CLIC5: variants seen among roughly 807,000 people sequenced by gnomAD.
The protein encoded by CLIC5 is chloride intracellular channel protein 5.
Under a neutral mutation model 24.7 loss-of-function variants are expected in CLIC5, and 20 were observed. That is an observed-to-expected ratio of 0.81 (90% CI 0.57 to 1.18). The LOEUF (loss-of-function observed/expected upper bound fraction) is 1.18. Ranked by LOEUF, CLIC5 falls within the 50% of genes most tolerant of loss-of-function variation. The pLI, the probability that CLIC5 is intolerant of heterozygous loss-of-function variation, is 0.00. For synonymous variants in CLIC5, 159 were observed against 135.6 expected, an observed-to-expected ratio of 1.17 and a Z score of -1.20; for missense variants, 341 against 326.1, an observed-to-expected ratio of 1.05 and a Z score of -0.35.
intron 4 of CLIC5, among the ~76,000 whole-genome samples, chr6:45,934,664 T>C (rs1581760459): frequency 6.6e-6 from 1 of 152,288 alleles, no homozygotes; most frequent in Admixed American, 6.5e-5. Flanking sequence ...GTGGTCAGCG[T>C]GAATAGAGCA....
the CLIC5 span, among the ~76,000 whole-genome samples, chr6:46,122,737 G>T: frequency 2.6e-5 from 4 of 152,150 alleles, no homozygotes; most frequent in African/African-American, 9.6e-5. Flanking sequence ...AATAAAAAAT[G>T]ATAAAGGGGA....
chr6:45,987,780 C>T (rs72856969), intron 1 of CLIC5, among the ~76,000 whole-genome samples: 1,585 of 152,160 alleles, frequency 0.01, 15 homozygotes, highest in Middle Eastern at 0.024. Flanking sequence ...GTTATAAATC[C>T]CCCAATCCTA....
At position 46,042,925 on chromosome 6, in the gene CLIC5, C is replaced by A. The variant is rs547889105; in HGVS notation, c.540+36778G>T. ...CCCTCAACAGGTAAAACACAATGTC[C>A]ACCAAGTGGGAGGGCCAAGGCACAT... On this transcript the variant is annotated intron_variant, in intron 1 of 5. Transcript: ENST00000185206. Among the ~76,000 whole-genome samples, 12 of 152,304 alleles carry A rather than the reference C, an allele frequency of 7.9e-5. No homozygotes were observed. The South Asian group carries it at 2.5e-3, about 32-fold the overall frequency.
At chr6:46,013,464 TG>T (rs1240108396) in intron 1 of CLIC5, among the ~76,000 whole-genome samples, 2 of 152,154 alleles carry the variant, frequency 1.3e-5, no homozygotes, top group Non-Finnish European at 2.9e-5. Flanking sequence ...CTCAAAAAGA[TG>T]GGGTTGAGGG....
Position 45,902,990 on chromosome 6 carries a change from T to C in CLIC5, c.*98A>G. Reference sequence around the variant, plus strand: ...CAAGATGAGGCTTGATTATAAAAAGTGCGCCTCAAGGCAGTGATACAGAGG... The same window carrying C: ...CAAGATGAGGCTTGATTATAAAAAGCGCGCCTCAAGGCAGTGATACAGAGG... On this transcript the variant is annotated 3_prime_UTR_variant, in exon 6 of 6. Coordinates refer to ENST00000339561, the MANE Select transcript of CLIC5 (RefSeq NM_016929.5). 2 of 1,297,534 alleles carry C rather than the reference T, an allele frequency of 1.5e-6. No homozygotes were observed. The highest frequency in any genetic ancestry group is 2.2e-6 in the Non-Finnish European group (2 of 920,050). The allele number at this position is 1,297,534 out of a possible 1,614,324, so 80.4% of individuals were successfully genotyped here.
chr6:46,065,200 A>G (rs1762407965), intron 1 of CLIC5, among the ~76,000 whole-genome samples: 1 of 152,138 alleles, frequency 6.6e-6, no homozygotes, highest in Non-Finnish European at 1.5e-5. Context: ...AGAAAAATAA[A>G]AATTAAAGCT....
chr6:45,986,588 T>G (rs1765745206), intron 1 of CLIC5, among the ~76,000 whole-genome samples: 2 of 152,154 alleles, frequency 1.3e-5, no homozygotes, highest in African/African-American at 4.8e-5. Flanking sequence ...GAGAAGGCCT[T>G]CTTTAAACTT....
At chr6:46,016,186 G>GAAGGGGA (rs1311005313), upstream of CLIC5, among the ~76,000 whole-genome samples, 2 of 108,596 alleles carry the variant, frequency 1.8e-5, no homozygotes, top group Non-Finnish European at 3.9e-5. Context: ...AGGGGAAGAG[G>GAAGGGGA]AAGGGGAAAG....
chr6:46,125,316 T>A, the CLIC5 span, among the ~76,000 whole-genome samples: 1 of 152,100 alleles, frequency 6.6e-6, no homozygotes. Context: ...CTCAGCAAAC[T>A]ATCGCAAGGA....
intron 4 of CLIC5, among the ~76,000 whole-genome samples, chr6:45,938,395 T>C (rs752095256): frequency 6.6e-6 from 1 of 151,238 alleles, no homozygotes; most frequent in Non-Finnish European, 1.5e-5. Flanking sequence ...GGGTATTGGG[T>C]GGGAGGAAGG....
chr6:45,906,606 A>G (rs1344494453), intron 5 of CLIC5, among the ~76,000 whole-genome samples: 3 of 147,714 alleles, frequency 2.0e-5, no homozygotes, highest in African/African-American at 7.6e-5. Context: ...CTTGTTGCCC[A>G]GGCTGGAGTG....
chr6:45,903,375 A>G (rs1762562696), intron 5 of CLIC5, 120 bp from the exon 6 acceptor site: 1 of 723,538 alleles, frequency 1.4e-6, no homozygotes, highest in Non-Finnish European at 2.1e-6. Context: ...ACCACGGGCC[A>G]TCAGTGATAT....
the CLIC5 span, among the ~76,000 whole-genome samples, chr6:46,101,508 G>A: frequency 6.6e-6 from 1 of 152,230 alleles, no homozygotes; most frequent in East Asian, 1.9e-4. Flanking sequence ...AAAGGGCTGA[G>A]AAAAGCAGAA....
intron 1 of CLIC5, among the ~76,000 whole-genome samples, chr6:46,067,578 G>C (rs937940936): frequency 6.6e-6 from 1 of 152,176 alleles, no homozygotes; most frequent in African/African-American, 2.4e-5. Context: ...GCTTCCACAG[G>C]CTGCTCCTTG....
intron 1 of CLIC5, among the ~76,000 whole-genome samples, chr6:46,022,976 C>A (rs1767226561): frequency 6.6e-6 from 1 of 152,118 alleles, no homozygotes; most frequent in Admixed American, 6.5e-5. Context: ...GTTTCTTTTG[C>A]AAGACCCACA....
intron 4 of CLIC5, among the ~76,000 whole-genome samples, chr6:45,936,047 TC>T (rs1763920149): frequency 6.6e-6 from 1 of 152,086 alleles, no homozygotes; most frequent in South Asian, 2.1e-4. Context: ...TTGACTCCTC[TC>T]CCTCTGTCAT....
chr6:45,965,380 A>G (rs1309735248), intron 1 of CLIC5, among the ~76,000 whole-genome samples: 1 of 152,214 alleles, frequency 6.6e-6, no homozygotes, highest in Non-Finnish European at 1.5e-5. Flanking sequence ...AAGGGCTGGA[A>G]CCCAAGGAAT....
downstream of CLIC5, among the ~76,000 whole-genome samples, chr6:45,895,367 A>G (rs1217336064): frequency 6.6e-6 from 1 of 152,212 alleles, no homozygotes; most frequent in Non-Finnish European, 1.5e-5. Context: ...ATGTGATAAA[A>G]TGAGCTTAGG....
At chr6:45,943,636 G>C (rs552119568) in intron 3 of CLIC5, among the ~76,000 whole-genome samples, 2 of 152,356 alleles carry the variant, frequency 1.3e-5, no homozygotes, top group South Asian at 4.1e-4. Context: ...CACCTCAGTG[G>C]ACAGCTTGTT....
Sources: allele counts gnomAD v4.1 joint callset (sites outside exome capture counted in the v4.1 genomes callset), GRCh38; gene constraint gnomAD v4.1.1; transcripts MANE v1.5; gene names NCBI Gene and HGNC (gene_info 2026-07-23, HGNC 2026-07-21).